The following AXIN1 variants were observed in gnomAD, a reference collection of about 807,000 sequenced individuals.
AXIN1 encodes the protein axin 1, also known as axin-1.
In AXIN1, 30 loss-of-function variants were observed where a neutral mutation model predicts 76.4. The observed-to-expected ratio is 0.39, with a 90% CI of 0.29 to 0.53. AXIN1 has a LOEUF of 0.53. Among genes scored for constraint, AXIN1 ranks in the 20% least tolerant of loss-of-function variants. The pLI, the probability that AXIN1 is intolerant of heterozygous loss-of-function variation, is 0.66. For synonymous variants in AXIN1, 545 were observed against 501.4 expected (o/e 1.09, Z -1.16); for missense variants, 1,140 against 1,198.8 (o/e 0.95, Z 0.72).
chr16:329,507 G>A (rs1008306004), intron 2 of AXIN1, among the ~76,000 whole-genome samples: 3 of 151,970 alleles, frequency 2.0e-5, no homozygotes, highest in Admixed American at 6.5e-5. Flanking sequence ...GTGCAATGGC[G>A]TGATCTTGGC....
rs572432982 is a variant in AXIN1 at position 312,216 on chromosome 16, C to T, written c.1020-2147G>A. Among the ~76,000 whole-genome samples, 9 of 152,256 alleles carry T rather than the reference C, an allele frequency of 5.9e-5. No individual in the cohort carries two copies. The South Asian group carries it at 1.0e-3, about 18-fold the overall frequency. On this transcript the variant is annotated intron_variant, in intron 3 of 10. Coordinates refer to ENST00000262320, the MANE Select transcript of AXIN1 (RefSeq NM_003502.4). ...GCCATGTGGAATGTTGTGAGCTTGC[C>T]GCCAGCACAAAAGCTGAGGGCAGCT...
rs1017098515 is a variant in AXIN1, at chr16:287,823, G to C, written c.*299C>G. 7.8e-6 allele frequency: 4 copies of C among 510,232 alleles called. No homozygotes were observed. In the African/African-American group the frequency reaches 8.1e-5, roughly 10 times the overall value. The allele number at this position is 510,232 out of a possible 1,614,324, so 31.6% of individuals were successfully genotyped here. On this transcript the variant is annotated 3_prime_UTR_variant, in exon 11 of 11. Coordinates refer to ENST00000262320, the MANE Select transcript of AXIN1 (RefSeq NM_003502.4). ...CACACGTGCCCAAGGGAGGTGCCGG[G>C]GGATGGGGGGGGGTCACCTGAAGCT... is the stretch of plus-strand genomic sequence containing the variant.
rs186083079 is a variant in AXIN1, at chr16:329,350, A to G, written c.879-14667T>C. ...ATGAATTAGGATCCCATTTTTGATG[A>G]AAAAAATGTGCTAAGAAAAATCTAG... On this transcript the variant is annotated intron_variant, in intron 2 of 10. Coordinates refer to ENST00000262320, the MANE Select transcript of AXIN1 (RefSeq NM_003502.4). Among the ~76,000 whole-genome samples, 212 of 152,078 alleles carry G rather than the reference A, an allele frequency of 1.4e-3. 2 individuals carry two copies. The highest frequency in any genetic ancestry group is 4.8e-3 in the African/African-American group (201 of 41,490).
intron 4 of AXIN1, among the ~76,000 whole-genome samples, chr16:307,843 T>G (rs957631751): frequency 6.6e-6 from 1 of 151,728 alleles, no homozygotes; most frequent in Non-Finnish European, 1.5e-5. Flanking sequence ...TTCCTGGGCC[T>G]CCCCCCGCCT....
At chr16:314,893 ATCTTTCC>A (rs1438689319) in intron 2 of AXIN1, among the ~76,000 whole-genome samples, 2 of 152,206 alleles carry the variant, frequency 1.3e-5, no homozygotes, top group Admixed American at 6.5e-5. Context: ...AGCACCGGGC[ATCTTTCC>A]AGATCTCTCC....
chr16:328,822 G>A (rs1187892720), intron 2 of AXIN1, among the ~76,000 whole-genome samples: 1 of 152,200 alleles, frequency 6.6e-6, no homozygotes, highest in Non-Finnish European at 1.5e-5. Context: ...GGCAGGGAGA[G>A]TGTGGCCGGG....
rs1567312480 is a variant in AXIN1 at position 352,352 on chromosome 16, A to C, written c.-82+17T>G. The C allele has an allele frequency of 1.0e-6, 1 of 979,242 alleles. No homozygotes were observed. Among genetic ancestry groups the C allele is most frequent in the Non-Finnish European group, 1.2e-6 (1 of 827,508 alleles). The allele number at this position is 979,242 out of a possible 1,614,324, so 60.7% of individuals were successfully genotyped here. ...CCTACCGCGGCCTAGCCCGCCCCGG[A>C]GCCCGGCCCTACTCACCCGCGCGCG... On this transcript the variant is annotated intron_variant, in intron 1 of 10. Coordinates refer to ENST00000262320, the MANE Select transcript of AXIN1 (RefSeq NM_003502.4).
At chr16:288,340 C>G (rs2141461567) in intron 10 of AXIN1, 92 bp from the exon 11 acceptor site, 1 of 1,586,488 alleles carries the variant, frequency 6.3e-7, no homozygotes, top group Non-Finnish European at 8.6e-7. Context: ...ACACCCCATC[C>G]CGAGGAGCCT....
chr16:291,701 C>T (rs2141478361), intron 8 of AXIN1: 4 of 331,460 alleles, frequency 1.2e-5, no homozygotes, highest in South Asian at 4.9e-5. Context: ...TGCGTGGCAA[C>T]TCGGTCTGCA....
intron 2 of AXIN1, among the ~76,000 whole-genome samples, chr16:333,488 G>C (rs191668155): frequency 6.6e-6 from 1 of 150,458 alleles, no homozygotes; most frequent in Non-Finnish European, 1.5e-5. Flanking sequence ...AGAATTAAAG[G>C]ACAAGTTTCT....
chr16:341,563 T>C (rs1567303993), intron 2 of AXIN1, among the ~76,000 whole-genome samples: 1 of 152,234 alleles, frequency 6.6e-6, no homozygotes, highest in South Asian at 2.1e-4. Context: ...CGTGGGCTCC[T>C]GTGCGGACCG....
chr16:311,622 T>A (rs997303945), intron 3 of AXIN1, among the ~76,000 whole-genome samples: 10 of 151,700 alleles, frequency 6.6e-5, no homozygotes, highest in Admixed American at 5.9e-4. Context: ...ATACAAAAAA[T>A]TAGCCAGGTG....
chr16:295,252 T>C (rs2052680159), intron 7 of AXIN1, among the ~76,000 whole-genome samples: 1 of 151,530 alleles, frequency 6.6e-6, no homozygotes, highest in Non-Finnish European at 1.5e-5. Flanking sequence ...TTACTGGCAC[T>C]CGCCACCACA....
At chr16:291,590 C>A (rs892529620) in intron 8 of AXIN1, 51 of 502,486 alleles carry the variant, frequency 1.0e-4, no homozygotes, top group Non-Finnish European at 1.8e-4. Context: ...GATCCCACCA[C>A]CTCATCCCCT....
At chr16:300,367 TC>T (rs1227476251) in intron 5 of AXIN1, among the ~76,000 whole-genome samples, 2 of 147,796 alleles carry the variant, frequency 1.4e-5, no homozygotes, top group African/African-American at 2.5e-5. Flanking sequence ...TTTTTCTTTT[TC>T]TTTTTTTTTT....
intron 1 of AXIN1, among the ~76,000 whole-genome samples, chr16:349,308 G>A (rs902754576): frequency 4.6e-5 from 7 of 152,032 alleles, no homozygotes; most frequent in African/African-American, 1.7e-4. Context: ...GTGACATCCT[G>A]CTGCTCACAG....
At chr16:311,122 C>T (rs914020942) in intron 3 of AXIN1, among the ~76,000 whole-genome samples, 131 of 117,730 alleles carry the variant, frequency 1.1e-3, no homozygotes, top group African/African-American at 3.8e-3. Context: ...AAGCCGCTCC[C>T]GGGTTCACGC....
intron 2 of AXIN1, among the ~76,000 whole-genome samples, chr16:337,463 G>C (rs2053829411): frequency 6.7e-6 from 1 of 149,006 alleles, no homozygotes; most frequent in African/African-American, 2.5e-5. Flanking sequence ...ATAGACTACA[G>C]GTGAGCTAGT....
chr16:341,479 T>A (rs56389427), intron 2 of AXIN1, among the ~76,000 whole-genome samples: 10,806 of 152,340 alleles, frequency 0.071, 522 homozygotes, highest in Non-Finnish European at 0.11. Flanking sequence ...AATTTCTCGC[T>A]GGGTCTTAAC....
Sources: gnomAD v4.1 joint callset for allele counts (sites outside exome capture counted in the v4.1 genomes callset) on GRCh38, gnomAD v4.1.1 for gene constraint, MANE v1.5 for transcripts, NCBI Gene and HGNC (gene_info 2026-07-23, HGNC 2026-07-21) for gene names.